TNPO3: variants seen among roughly 807,000 people sequenced by gnomAD.
TNPO3 encodes transportin 3.
Under a neutral mutation model 122.8 loss-of-function variants are expected in TNPO3, and 65 were observed. The ratio of observed to expected loss-of-function variants is 0.53; its 90% CI spans 0.43 to 0.65. The LOEUF is 0.65. TNPO3 is among the 30% of genes least tolerant of loss of function. TNPO3 has a pLI of 0.00. For synonymous variants in TNPO3, 372 were observed against 411.2 expected (o/e 0.90, Z 1.15); for missense variants, 850 against 1,136.7 (o/e 0.75, Z 3.63).
At chr7:128,999,613 CT>C (rs146907593) in intron 7 of TNPO3, among the ~76,000 whole-genome samples, 65,434 of 139,070 alleles carry the variant, frequency 0.47, 14,744 homozygotes, top group African/African-American at 0.49. Flanking sequence ...TTCTTTCTCA[CT>C]TTTTTTTTTT....
At chr7:129,043,329 A>C (rs914627952) in intron 1 of TNPO3, among the ~76,000 whole-genome samples, 5 of 152,076 alleles carry the variant, frequency 3.3e-5, no homozygotes, top group African/African-American at 1.2e-4. Context: ...TGGGAAGATC[A>C]CTGAAGCCCT....
At chr7:129,019,443 A>G in intron 1 of TNPO3, among the ~76,000 whole-genome samples, 1 of 152,218 alleles carries the variant, frequency 6.6e-6, no homozygotes. Context: ...CCAAAGATTG[A>G]TACGAAGCAA....
At position 128,979,033 on chromosome 7, in the gene TNPO3, G is replaced by A; in HGVS notation, c.2011C>T (p.Arg671Cys). The part of the protein sequence containing the change: ...RCCRCLRFAV[R>C]CVGKGSAALL... ...GCTGCAGATCCTTTGCCTACACAGCGAACAGCAAAGCGCAGGCACCTGCAA... is the reference window on the plus strand; with the variant it reads ...GCTGCAGATCCTTTGCCTACACAGCAAACAGCAAAGCGCAGGCACCTGCAA... The change falls in exon 16 of 23, where the codon CGC (arginine) becomes TGC (cysteine). Residue 671 changes from arginine (R) to cysteine (C), a missense_variant. Coordinates refer to ENST00000265388, the MANE Select transcript of TNPO3 (RefSeq NM_012470.4). 3.1e-6 allele frequency: 5 copies of A among 1,614,192 alleles called. No homozygotes were observed. Among genetic ancestry groups the A allele is most frequent in the Non-Finnish European group, 4.2e-6 (5 of 1,180,032 alleles).
Position 129,000,432 on chromosome 7 carries a change from A to G in TNPO3, c.1008T>C (p.Tyr336=). 6.2e-7 allele frequency: 1 copy of G among 1,613,324 alleles called. No individual in the cohort carries two copies. The highest frequency in any genetic ancestry group is 8.5e-7 in the Non-Finnish European group (1 of 1,179,466). ...LLLICAGHPQ[Y]EVVEISFNFW... is the part of the protein sequence containing the mutation. ...CTTTGAATAGCATAAACACTACCTC[A>G]TATTGAGGATGGCCTGCACAGATAA... Residue 336 remains tyrosine, a synonymous_variant, in exon 7 of 23, where the codon TAT becomes TAC. Coordinates refer to ENST00000265388, the MANE Select transcript of TNPO3 (RefSeq NM_012470.4).
chr7:128,973,490 A>G (rs1252191889), intron 18 of TNPO3, among the ~76,000 whole-genome samples: 1 of 151,990 alleles, frequency 6.6e-6, no homozygotes, highest in Non-Finnish European at 1.5e-5. Context: ...TAATCCCAGC[A>G]CTTTGGGAGG....
chr7:128,985,395 G>A (rs1585334778), intron 12 of TNPO3, among the ~76,000 whole-genome samples: 1 of 152,274 alleles, frequency 6.6e-6, no homozygotes, highest in East Asian at 1.9e-4. Flanking sequence ...ATGAGTTCAA[G>A]ACCAGCCTGG....
In TNPO3 at chr7:128,961,152, C is replaced by T. The variant is rs191049611; in HGVS notation, c.2712-3837G>A. On this transcript the variant is annotated intron_variant, in intron 21 of 22. Coordinates refer to ENST00000265388, the MANE Select transcript of TNPO3 (RefSeq NM_012470.4). ...TCTATAAAAAGTCTACAGTAGTATA[C>T]GGTAATGTCCTAGGCCGCCTATTCA... is the stretch of plus-strand genomic sequence containing the variant. Among the ~76,000 whole-genome samples, 40 of 152,218 alleles carry T rather than the reference C, an allele frequency of 2.6e-4. 2 individuals carry two copies. In the East Asian group the frequency reaches 7.3e-3, roughly 28 times the overall value.
chr7:128,960,236 C>T (rs921092358), intron 21 of TNPO3, among the ~76,000 whole-genome samples: 2 of 151,994 alleles, frequency 1.3e-5, no homozygotes, highest in African/African-American at 4.8e-5. Context: ...CAATTATCTA[C>T]AGTATACAAT....
Position 128,974,896 on chromosome 7 carries a change from C to T in TNPO3, c.2245G>A (p.Val749Ile). ...QNGLQNHPDT[V>I]DDLFRLATRF... ...GTGGCTAGCCGGAACAGGTCATCTA[C>T]AGTGTCAGGGTGATTCTGGAGACCA... The change falls in exon 18 of 23, where the codon GTA becomes ATA. Residue 749 changes from valine (V) to isoleucine (I), a missense_variant. Transcript: ENST00000265388. 2 of 1,614,196 alleles carry T rather than the reference C, an allele frequency of 1.2e-6. No homozygotes were observed. The highest frequency in any genetic ancestry group is 1.1e-5 in the South Asian group (1 of 91,084).
At position 128,980,051 on chromosome 7, in the gene TNPO3, C is replaced by T. The variant is rs760085266; in HGVS notation, c.1860-20G>A. 2.5e-6 allele frequency: 4 copies of T among 1,612,906 alleles called. No homozygotes were observed. Among genetic ancestry groups the T allele is most frequent in the Non-Finnish European group, 2.5e-6 (3 of 1,179,028 alleles). ...GTATGCCTGGGAAAAGACAACAGCC[C>T]AAAATAGTGAACAAAGACCAATTTC... On this transcript the variant is annotated intron_variant, in intron 14 of 22. Coordinates refer to ENST00000265388, the MANE Select transcript of TNPO3 (RefSeq NM_012470.4).
intron 7 of TNPO3, among the ~76,000 whole-genome samples, chr7:128,999,920 A>C (rs576648267): frequency 6.6e-6 from 1 of 152,246 alleles, no homozygotes; most frequent in Admixed American, 6.5e-5. Context: ...ACCCTTTCTC[A>C]TTTCTTATAC....
intron 4 of TNPO3, among the ~76,000 whole-genome samples, chr7:129,007,922 G>C (rs960865420): frequency 6.6e-6 from 1 of 152,106 alleles, no homozygotes; most frequent in Non-Finnish European, 1.5e-5. Flanking sequence ...AGGCTGAGGT[G>C]GGTGGATCAC....
intron 1 of TNPO3, among the ~76,000 whole-genome samples, chr7:129,026,969 A>AT (rs1355502298): frequency 6.6e-6 from 1 of 151,088 alleles, no homozygotes. Flanking sequence ...ATTTTTTTTT[A>AT]TTTTTTGTAG....
chr7:128,992,365 A>G (rs1198682750), intron 9 of TNPO3, among the ~76,000 whole-genome samples: 1 of 152,186 alleles, frequency 6.6e-6, no homozygotes, highest in Non-Finnish European at 1.5e-5. Flanking sequence ...AACAAAACAC[A>G]GTATATGAGT....
intron 21 of TNPO3, among the ~76,000 whole-genome samples, chr7:128,960,302 T>A (rs1343193924): frequency 6.6e-6 from 1 of 152,160 alleles, no homozygotes; most frequent in African/African-American, 2.4e-5. Context: ...CTACACTTTT[T>A]ATCATTAATT....
intron 4 of TNPO3, among the ~76,000 whole-genome samples, chr7:129,006,779 T>C (rs1480315323): frequency 2.0e-5 from 3 of 152,218 alleles, no homozygotes; most frequent in Non-Finnish European, 2.9e-5. Context: ...TGACTGTCTT[T>C]ATTATTGTGC....
intron 2 of TNPO3, among the ~76,000 whole-genome samples, chr7:129,017,568 T>C (rs1263245863): frequency 6.6e-6 from 1 of 152,188 alleles, no homozygotes; most frequent in Non-Finnish European, 1.5e-5. Flanking sequence ...CACAGAAGTT[T>C]CCAGTTTTCC....
intron 19 of TNPO3, among the ~76,000 whole-genome samples, chr7:128,971,470 T>C (rs745307117): frequency 1.3e-5 from 2 of 152,234 alleles, no homozygotes; most frequent in African/African-American, 2.4e-5. Context: ...TAAATACACA[T>C]GTATTTCTAA....
intron 1 of TNPO3, among the ~76,000 whole-genome samples, chr7:129,035,543 G>A (rs957361045): frequency 1.3e-5 from 2 of 152,090 alleles, no homozygotes; most frequent in South Asian, 2.1e-4. Context: ...TTTGAGCCAG[G>A]AAGTCAAGGC....
Sources: allele counts gnomAD v4.1 joint callset (sites outside exome capture counted in the v4.1 genomes callset), GRCh38; gene constraint gnomAD v4.1.1; transcripts MANE v1.5; gene names NCBI Gene and HGNC (gene_info 2026-07-23, HGNC 2026-07-21).